The following MACF1 variants were observed in gnomAD, a reference collection of about 807,000 sequenced individuals.
MACF1 encodes microtubule-actin cross-linking factor 1.
A neutral mutation model predicts 854.8 loss-of-function variants in MACF1; 193 were observed. The observed-to-expected ratio is 0.23, with a 90% CI of 0.20 to 0.25. The LOEUF (loss-of-function observed/expected upper bound fraction) is 0.25, where lower values mean the gene tolerates loss of function less well. MACF1 is among the 10% of genes least tolerant of loss of function. The pLI, the probability that MACF1 is intolerant of heterozygous loss-of-function variation, is 1.00. For synonymous variants in MACF1, 3,185 were observed against 3,226.7 expected (o/e 0.99, Z 0.44); for missense variants, 7,722 against 8,929.1 (o/e 0.86, Z 5.45).
rs1250221812 is a variant in MACF1 at position 39,231,173 on chromosome 1, C to T, written c.110-9C>T. ...CTAAGCCAGTGCCTTCTCTGTGTTT[C>T]CTTTACAGATGAACGGGACCGGGTT... On this transcript the variant is annotated splice_polypyrimidine_tract_variant and intron_variant, in intron 1 of 100. Coordinates refer to ENST00000564288, the MANE Select transcript of MACF1 (RefSeq NM_001394062.1). The T allele has an allele frequency of 6.2e-7, 1 of 1,614,000 alleles. No individual in the cohort carries two copies. The highest frequency in any genetic ancestry group is 1.7e-5 in the Admixed American group (1 of 60,024).
intron 2 of MACF1, among the ~76,000 whole-genome samples, chr1:39,123,092 C>T (rs1202629430): frequency 6.6e-6 from 1 of 151,700 alleles, no homozygotes; most frequent in African/African-American, 2.4e-5. Context: ...GGTGGTGATC[C>T]AGGAGGAGGA....
At chr1:39,450,357 G>A (rs1644316493) in intron 84 of MACF1, among the ~76,000 whole-genome samples, 1 of 151,704 alleles carries the variant, frequency 6.6e-6, no homozygotes, top group South Asian at 2.1e-4. Context: ...AAACAGCCTA[G>A]GGTCACACAA....
At chr1:39,191,203 T>TC (rs1472262304) in intron 2 of MACF1, among the ~76,000 whole-genome samples, 6 of 145,854 alleles carry the variant, frequency 4.1e-5, no homozygotes, top group African/African-American at 1.5e-4. Flanking sequence ...TTCTTTCTTT[T>TC]TTTTTTTTTT....
chr1:39,357,024 C>T (rs1316632790), intron 44 of MACF1, among the ~76,000 whole-genome samples: 1 of 152,152 alleles, frequency 6.6e-6, no homozygotes, highest in African/African-American at 2.4e-5. Flanking sequence ...TTGGTGATTT[C>T]TGAGCAGTTG....
chr1:39,268,527 G>C, intron 6 of MACF1: 1 of 1,156,280 alleles, frequency 8.6e-7, no homozygotes. Flanking sequence ...ATCGGCAGCG[G>C]CTGGAAGAGA....
chr1:39,233,128 G>T (rs1644804643), intron 2 of MACF1, among the ~76,000 whole-genome samples: 1 of 151,996 alleles, frequency 6.6e-6, no homozygotes, highest in African/African-American at 2.4e-5. Flanking sequence ...TCCGCCTCCT[G>T]GGTTCAAGCA....
chr1:39,334,198 G>T lies in MACF1; in HGVS notation c.7610G>T (p.Arg2537Ile). 6.2e-7 allele frequency: 1 copy of T among 1,614,124 alleles called. No homozygotes were observed. The highest frequency in any genetic ancestry group is 1.3e-5 in the African/African-American group (1 of 75,040). Reference protein sequence around the residue: ...IGEDLAEKLKRVENLNIHQIF... With the variant: ...IGEDLAEKLKIVENLNIHQIF... The stretch of plus-strand genomic sequence containing the variant: ...GAAGATTTAGCCGAGAAACTCAAAA[G>T]AGTTGAGAACTTAAACATCCATCAG... Residue 2537 changes from arginine to isoleucine, a missense_variant, in exon 37 of 101, where the codon AGA becomes ATA. Coordinates refer to ENST00000564288, the MANE Select transcript of MACF1 (RefSeq NM_001394062.1).
chr1:39,238,692 A>G (rs551591094), intron 2 of MACF1, among the ~76,000 whole-genome samples: 20 of 152,258 alleles, frequency 1.3e-4, no homozygotes, highest in African/African-American at 4.6e-4. Context: ...AGAGGAACAC[A>G]TCATAGCATT....
At chr1:39,441,151 A>G (rs763112648) in intron 73 of MACF1, 26 bp downstream of exon 73, 4 of 1,614,206 alleles carry the variant, frequency 2.5e-6, no homozygotes, top group Non-Finnish European at 3.4e-6. Flanking sequence ...TGAGGCACTC[A>G]GTTAGAACAT....
intron 4 of MACF1, among the ~76,000 whole-genome samples, chr1:39,252,266 T>A (rs1027389919): frequency 2.0e-5 from 3 of 152,186 alleles, no homozygotes; most frequent in Non-Finnish European, 4.4e-5. Flanking sequence ...GAGTCCAGAT[T>A]GCAGAATTGT....
At chr1:39,132,379 C>T (rs749527831) in intron 2 of MACF1, among the ~76,000 whole-genome samples, 1 of 152,090 alleles carries the variant, frequency 6.6e-6, no homozygotes, top group Admixed American at 6.6e-5. Flanking sequence ...GGCTCTTTTC[C>T]CTGTATCCAT....
Position 39,331,748 on chromosome 1 carries a change from C to T in MACF1, c.5160C>T (p.His1720=). 1 of 1,614,126 alleles carries T rather than the reference C, an allele frequency of 6.2e-7. No individual in the cohort carries two copies. The highest frequency in any genetic ancestry group is 1.3e-5 in the African/African-American group (1 of 75,020). ...LLDLMQRCIV[H]QESGFKLLPV... ...ATCTGATGCAGCGATGTATTGTCCA[C>T]CAGGAATCAGGATTCAAATTACTGC... The change falls in exon 37 of 101, where the codon CAC becomes CAT. Residue 1720 remains histidine (H), a synonymous_variant. Coordinates refer to ENST00000564288, the MANE Select transcript of MACF1 (RefSeq NM_001394062.1).
intron 58 of MACF1, among the ~76,000 whole-genome samples, chr1:39,408,921 C>CTCCGG (rs1642838666): frequency 1.3e-5 from 2 of 151,820 alleles, no homozygotes; most frequent in African/African-American, 4.8e-5. Context: ...TCGCTCCTCT[C>CTCCGG]CCCGGCCCCG....
intron 3 of MACF1, 94 bp downstream of exon 3, chr1:39,250,197 T>A: frequency 1.3e-6 from 1 of 752,302 alleles, no homozygotes; most frequent in Non-Finnish European, 2.3e-6. Flanking sequence ...GCCATCACTG[T>A]TTCATCTATT....
At chr1:39,100,354 G>C (rs1413124259) in intron 2 of MACF1, among the ~76,000 whole-genome samples, 1 of 152,076 alleles carries the variant, frequency 6.6e-6, no homozygotes, top group Non-Finnish European at 1.5e-5. Flanking sequence ...TATAGGGAAA[G>C]GAGGTACACA....
rs769741017 is a variant in MACF1, at chr1:39,427,625, G to A, written c.16476+11G>A. 5 of 1,605,172 alleles carry A rather than the reference G, an allele frequency of 3.1e-6. No homozygotes were observed. The highest frequency in any genetic ancestry group is 3.5e-5 in the Admixed American group (2 of 57,668). ...ATCATTCGGCACAAGGTAGGGAGTG[G>A]TTACAGTAAATGAAAATAGAAAACT... On this transcript the variant is annotated intron_variant, in intron 62 of 100. Transcript: ENST00000564288.
intron 22 of MACF1, among the ~76,000 whole-genome samples, chr1:39,302,304 A>G (rs551985327): frequency 2.0e-5 from 3 of 152,240 alleles, no homozygotes; most frequent in South Asian, 2.1e-4. Context: ...GGCCAATTGT[A>G]CTGTTTTTAT....
chr1:39,108,222 A>C (rs1211486065), intron 2 of MACF1, among the ~76,000 whole-genome samples: 1 of 152,178 alleles, frequency 6.6e-6, no homozygotes, highest in African/African-American at 2.4e-5. Context: ...AACAGTTCAG[A>C]GTGGGCAGCA....
intron 85 of MACF1, among the ~76,000 whole-genome samples, chr1:39,451,494 C>T (rs1644339992): frequency 1.3e-5 from 2 of 152,200 alleles, no homozygotes; most frequent in South Asian, 4.2e-4. Context: ...GATCTAAATT[C>T]CAACGGAAAC....
Sources: allele counts gnomAD v4.1 joint callset (sites outside exome capture counted in the v4.1 genomes callset), GRCh38; gene constraint gnomAD v4.1.1; transcripts MANE v1.5; gene names NCBI Gene and HGNC (gene_info 2026-07-23, HGNC 2026-07-21).